Variants in NPFFR2 observed in about 807,000 individuals in gnomAD.
NPFFR2 encodes the protein G-protein coupled receptor 74.
A neutral mutation model predicts 13.1 loss-of-function variants in NPFFR2; 15 were observed. That is an observed-to-expected ratio of 1.15 (90% CI 0.77 to 1.76). NPFFR2 has a LOEUF of 1.76. NPFFR2 is among the 40% of genes most tolerant of loss of function. NPFFR2 has a pLI of 0.00. For missense variants in NPFFR2, 572 were observed against 503.5 expected, an observed-to-expected ratio of 1.14 and a Z score of -1.30; for synonymous variants, 190 against 175.7, an observed-to-expected ratio of 1.08 and a Z score of -0.65.
At position 72,147,241 on chromosome 4, in the gene NPFFR2, C is replaced by G. The variant is rs990910194; in HGVS notation, c.692C>G (p.Pro231Arg). 6.2e-7 allele frequency: 1 copy of G among 1,614,104 alleles called. No individual in the cohort carries two copies. Among genetic ancestry groups the G allele is most frequent in the Non-Finnish European group, 8.5e-7 (1 of 1,180,018 alleles). ...CTGTTTGCCAACATCTACCTGGCTC[C>G]CCTCTCCCTCATTGTCATCATGTAT... ...TVLFANIYLA[P>R]LSLIVIMYGR... Residue 231 changes from proline to arginine, a missense_variant, in exon 4 of 4, where the codon CCC becomes CGC. By Grantham distance (103) the Pro-to-Arg change is moderately radical (BLOSUM62 -2). Transcript: ENST00000308744.
In NPFFR2 at chr4:72,099,614, G is replaced by A. The variant is rs191511425; in HGVS notation, c.-7-28971G>A. 4.3e-3 allele frequency among the ~76,000 whole-genome samples: 648 copies of A among 152,008 alleles called. 2 individuals carry two copies. The highest frequency in any genetic ancestry group is 0.014 in the African/African-American group (593 of 41,474). ...GGTGCCACAAGCTTTTGAACAGCTC[G>A]ATCTCATGTGAACTCACTATTGTGA... On this transcript the variant is annotated intron_variant, in intron 1 of 3. Transcript: ENST00000308744.
intron 1 of NPFFR2, among the ~76,000 whole-genome samples, chr4:72,113,463 T>G (rs1213405169): frequency 6.6e-6 from 1 of 152,082 alleles, no homozygotes. Context: ...CACATTCCAT[T>G]GCATCAAAGA....
At chr4:72,038,997 C>T (rs529508873) in intron 1 of NPFFR2, among the ~76,000 whole-genome samples, 29 of 146,448 alleles carry the variant, frequency 2.0e-4, no homozygotes, top group African/African-American at 6.0e-4. Flanking sequence ...CTCCGCCTCC[C>T]GGGTTCGCGC....
rs183694079 is a variant in NPFFR2 at position 72,051,444 on chromosome 4, A to G, written c.-8+19244A>G. On this transcript the variant is annotated intron_variant, in intron 1 of 3. Coordinates refer to ENST00000308744, the MANE Select transcript of NPFFR2 (RefSeq NM_004885.3). ...AGAAATAAAGATGTTCTTTGAAACC[A>G]ATGAGAGCAAAGACACAACATACCA... 3.3e-3 allele frequency among the ~76,000 whole-genome samples: 499 copies of G among 151,766 alleles called. 5 individuals carry two copies. Among genetic ancestry groups the G allele is most frequent in the South Asian group, 0.012 (60 of 4,810 alleles).
At chr4:72,080,296 C>G (rs1459326790) in intron 1 of NPFFR2, among the ~76,000 whole-genome samples, 1 of 151,998 alleles carries the variant, frequency 6.6e-6, no homozygotes, top group Non-Finnish European at 1.5e-5. Context: ...TCCTGAGTAC[C>G]TGGGATTAGA....
At chr4:72,120,068 AC>A (rs1177468301) in intron 1 of NPFFR2, among the ~76,000 whole-genome samples, 2 of 152,102 alleles carry the variant, frequency 1.3e-5, no homozygotes, top group Non-Finnish European at 2.9e-5. Context: ...TCTGAAGTAG[AC>A]CTGGGAGGCT....
chr4:72,109,670 C>A (rs1721508904), intron 1 of NPFFR2, among the ~76,000 whole-genome samples: 1 of 87,874 alleles, frequency 1.1e-5, no homozygotes, highest in East Asian at 3.5e-4. Flanking sequence ...GTACATGACA[C>A]ACTTGAATTC....
intron 1 of NPFFR2, among the ~76,000 whole-genome samples, chr4:72,071,687 GC>G (rs1720261414): frequency 6.6e-6 from 1 of 152,070 alleles, no homozygotes; most frequent in South Asian, 2.1e-4. Flanking sequence ...GCTTGAAGAA[GC>G]CTGGGTGCAC....
At chr4:72,124,072 G>T (rs1721968511) in intron 1 of NPFFR2, among the ~76,000 whole-genome samples, 1 of 152,130 alleles carries the variant, frequency 6.6e-6, no homozygotes, top group Admixed American at 6.5e-5. Context: ...AAAGTCTCAG[G>T]ATACCAAATC....
intron 1 of NPFFR2, among the ~76,000 whole-genome samples, chr4:72,066,773 TGGGGCAAGGGTTAGGTCCCCAAG>T (rs1720084201): frequency 6.6e-6 from 1 of 152,140 alleles, no homozygotes; most frequent in Non-Finnish European, 1.5e-5. Context: ...CCAGGAACAA[TGGGGCAAGGGTTAGGTCCCCAAG>T]GCTCCAGGGG....
intron 1 of NPFFR2, among the ~76,000 whole-genome samples, chr4:72,113,115 G>A (rs1000115790): frequency 2.6e-5 from 4 of 151,984 alleles, no homozygotes; most frequent in Non-Finnish European, 5.9e-5. Flanking sequence ...AGTTATTTGT[G>A]TATTTTTTGA....
intron 2 of NPFFR2, among the ~76,000 whole-genome samples, chr4:72,136,204 T>G (rs1198289462): frequency 6.6e-6 from 1 of 151,970 alleles, no homozygotes; most frequent in Admixed American, 6.6e-5. Context: ...AAAAATTTTT[T>G]TTAAAATAAC....
At chr4:72,079,580 G>A (rs1359402919) in intron 1 of NPFFR2, among the ~76,000 whole-genome samples, 1 of 152,144 alleles carries the variant, frequency 6.6e-6, no homozygotes, top group East Asian at 1.9e-4. Context: ...GGAAATCTTT[G>A]TGACCTTGTT....
In NPFFR2 at chr4:72,058,334, G is replaced by A. The variant is rs368429252; in HGVS notation, c.-8+26134G>A. ...TATTTGGGGATTCTGAAAAGTATGTGGCAGTTCTTTGTATAACTGCTGTAA... is the reference window on the plus strand; with the variant it reads ...TATTTGGGGATTCTGAAAAGTATGTAGCAGTTCTTTGTATAACTGCTGTAA... On this transcript the variant is annotated intron_variant, in intron 1 of 3. Transcript: ENST00000308744. Among the ~76,000 whole-genome samples the A allele has an allele frequency of 2.0e-5, 3 of 151,764 alleles. No individual in the cohort carries two copies. In the East Asian group the frequency reaches 5.8e-4, roughly 29 times the overall value.
chr4:72,070,682 A>C (rs1455116824), intron 1 of NPFFR2, among the ~76,000 whole-genome samples: 1 of 151,902 alleles, frequency 6.6e-6, no homozygotes, highest in Non-Finnish European at 1.5e-5. Flanking sequence ...GGCCTTCCGC[A>C]GCTCCATTTG....
intron 1 of NPFFR2, among the ~76,000 whole-genome samples, chr4:72,110,018 C>G (rs1721521530): frequency 6.6e-6 from 1 of 151,884 alleles, no homozygotes; most frequent in Non-Finnish European, 1.5e-5. Context: ...TTGATCGGCT[C>G]TATAGTCAGT....
chr4:72,047,647 G>T (rs966857455), intron 1 of NPFFR2, among the ~76,000 whole-genome samples: 1 of 152,120 alleles, frequency 6.6e-6, no homozygotes, highest in African/African-American at 2.4e-5. Flanking sequence ...ATATAGGATT[G>T]TTAGCTTAAT....
rs529029217 is a variant in NPFFR2, at chr4:72,115,223, T to C, written c.-7-13362T>C. ...TGGATGTATTTATTTCAATAAATTA[T>C]ATTTGTAGAAATGAAAAGGTCAAGT... On this transcript the variant is annotated intron_variant, in intron 1 of 3. Transcript: ENST00000308744. 1.1e-4 allele frequency among the ~76,000 whole-genome samples: 16 copies of C among 152,316 alleles called. No individual in the cohort carries two copies. The East Asian group carries it at 3.1e-3, about 29-fold the overall frequency.
intron 1 of NPFFR2, among the ~76,000 whole-genome samples, chr4:72,065,456 A>G (rs1330645543): frequency 1.3e-5 from 2 of 152,248 alleles, no homozygotes; most frequent in Non-Finnish European, 2.9e-5. Context: ...TTTCTTCTCC[A>G]AAAGATTGAA....
Sources: allele counts gnomAD v4.1 joint callset (sites outside exome capture counted in the v4.1 genomes callset), GRCh38; gene constraint gnomAD v4.1.1; transcripts MANE v1.5; gene names NCBI Gene and HGNC (gene_info 2026-07-23, HGNC 2026-07-21).